UTS2B: variants seen among roughly 807,000 people sequenced by gnomAD.
UTS2B encodes urotensin 2B, also known as urotensin-2B.
UTS2B carries 21 observed loss-of-function variants against 19.2 expected under a neutral mutation model. That is an observed-to-expected ratio of 1.09 (90% confidence interval 0.78 to 1.58). UTS2B has a LOEUF of 1.58. UTS2B is among the 40% of genes most tolerant of loss of function. The pLI, the probability that UTS2B is intolerant of heterozygous loss-of-function variation, is 0.00. For synonymous variants in UTS2B, 57 were observed against 50.2 expected, an observed-to-expected ratio of 1.14 and a Z score of -0.58; for missense variants, 138 against 130.3, an observed-to-expected ratio of 1.06 and a Z score of -0.29.
chr3:191,329,372 C>G (rs1006054585), intron 1 of UTS2B: 4 of 350,310 alleles, frequency 1.1e-5, no homozygotes, highest in Non-Finnish European at 1.5e-5. Flanking sequence ...CTCTCTCCCT[C>G]CGTACTGGAC....
At chr3:191,345,682 C>G in the UTS2B span, among the ~76,000 whole-genome samples, 1 of 152,076 alleles carries the variant, frequency 6.6e-6, no homozygotes, top group Non-Finnish European at 1.5e-5. Context: ...TATCTACTTG[C>G]CAAACAAGTG....
intron 3 of UTS2B, among the ~76,000 whole-genome samples, chr3:191,312,326 TG>T (rs1242441300): frequency 1.3e-5 from 2 of 152,140 alleles, no homozygotes; most frequent in African/African-American, 2.4e-5. Context: ...TCAAGGATCC[TG>T]AGGACACCAA....
chr3:191,277,032 G>A (rs1217146541), intron 6 of UTS2B, among the ~76,000 whole-genome samples, 188 bp from the exon 7 acceptor site: 1 of 152,140 alleles, frequency 6.6e-6, no homozygotes, highest in Non-Finnish European at 1.5e-5. Context: ...AATGCAATCA[G>A]TTATGTCATC....
chr3:191,282,774 A>G (rs1716426273), intron 4 of UTS2B, among the ~76,000 whole-genome samples: 1 of 152,158 alleles, frequency 6.6e-6, no homozygotes, highest in Non-Finnish European at 1.5e-5. Flanking sequence ...TCAAATTTGA[A>G]ATGAATCATA....
intron 3 of UTS2B, among the ~76,000 whole-genome samples, chr3:191,310,132 T>G (rs1429709908): frequency 2.6e-5 from 4 of 152,000 alleles, no homozygotes; most frequent in African/African-American, 9.7e-5. Context: ...CTGGCTATTT[T>G]TTTTTGTATT....
chr3:191,298,725 G>A (rs976113830), intron 4 of UTS2B, among the ~76,000 whole-genome samples: 3 of 152,196 alleles, frequency 2.0e-5, no homozygotes, highest in Admixed American at 6.5e-5. Flanking sequence ...TGGGTAACAA[G>A]AGGTTGGAAG....
In UTS2B at chr3:191,268,423, C is replaced by A; in HGVS notation, c.353G>T (p.Cys118Phe). ...GCATCCAGAGAAAAAGCTTTAAACA[C>A]AGTATTTCCAAAAGCAAGCTAAAGA... The part of the protein sequence containing the change: ...PSKRACFWKY[C>F]V The change falls in exon 9 of 9, where the codon TGT becomes TTT. Residue 118 changes from cysteine to phenylalanine, a missense_variant. Cys to Phe is a radical substitution (Grantham distance 205). Transcript: ENST00000340524. 1 of 1,561,492 alleles carries A rather than the reference C, an allele frequency of 6.4e-7. No individual in the cohort carries two copies. Among genetic ancestry groups the A allele is most frequent in the Non-Finnish European group, 8.8e-7 (1 of 1,142,062 alleles).
intron 4 of UTS2B, chr3:191,294,453 C>T (rs1716804588): frequency 6.6e-6 from 1 of 151,776 alleles, no homozygotes; most frequent in African/African-American, 2.4e-5. Context: ...AGAATTAAGA[C>T]CAGAGAAAAA....
At chr3:191,293,847 C>T (rs530357665) in intron 4 of UTS2B, among the ~76,000 whole-genome samples, 1 of 152,020 alleles carries the variant, frequency 6.6e-6, no homozygotes, top group African/African-American at 2.4e-5. Context: ...CCTGTAATCC[C>T]AGCACTTTGA....
chr3:191,310,614 G>A (rs1717274116), intron 3 of UTS2B, among the ~76,000 whole-genome samples: 1 of 152,130 alleles, frequency 6.6e-6, no homozygotes, highest in Non-Finnish European at 1.5e-5. Context: ...TCTAACCCAA[G>A]AATCTCATGT....
intron 2 of UTS2B, among the ~76,000 whole-genome samples, chr3:191,322,185 G>A (rs1163476500): frequency 2.0e-5 from 3 of 152,132 alleles, no homozygotes; most frequent in Non-Finnish European, 4.4e-5. Context: ...TTTAGGTAGA[G>A]TTGCTAGCCC....
upstream of UTS2B, among the ~76,000 whole-genome samples, chr3:191,332,087 T>C (rs751179923): frequency 2.1e-4 from 32 of 152,228 alleles, no homozygotes; most frequent in Non-Finnish European, 4.4e-4. Context: ...GTGCAGTGAG[T>C]GTGTGCCCGT....
intron 8 of UTS2B, chr3:191,273,420 C>G (rs975507148): frequency 4.0e-5 from 18 of 453,746 alleles, no homozygotes; most frequent in African/African-American, 3.4e-4. Context: ...GTCCCAGTGA[C>G]TAATCCCGGC....
the UTS2B span, among the ~76,000 whole-genome samples, chr3:191,339,144 A>G: frequency 6.6e-6 from 1 of 152,326 alleles, no homozygotes; most frequent in East Asian, 1.9e-4. Context: ...ATGAATATAC[A>G]GATTGCAAAC....
At chr3:191,307,588 G>T (rs922452644) in intron 3 of UTS2B, among the ~76,000 whole-genome samples, 1 of 152,116 alleles carries the variant, frequency 6.6e-6, no homozygotes, top group African/African-American at 2.4e-5. Flanking sequence ...TGGGTAGGAC[G>T]TTCAGAGGAT....
intron 2 of UTS2B, among the ~76,000 whole-genome samples, chr3:191,319,595 C>T (rs1010023799): frequency 6.6e-6 from 1 of 151,368 alleles, no homozygotes; most frequent in Non-Finnish European, 1.5e-5. Flanking sequence ...CATGGTGACT[C>T]TTATGTGTAA....
At chr3:191,301,750 A>G (rs1419436280) in intron 4 of UTS2B, among the ~76,000 whole-genome samples, 2 of 151,982 alleles carry the variant, frequency 1.3e-5, no homozygotes, top group African/African-American at 4.8e-5. Flanking sequence ...CGGCCTCCCA[A>G]AGTGCTGGGA....
intron 4 of UTS2B, among the ~76,000 whole-genome samples, chr3:191,293,786 G>A (rs1716778177): frequency 6.6e-6 from 1 of 151,866 alleles, no homozygotes; most frequent in African/African-American, 2.4e-5. Flanking sequence ...TAGTGGTTGA[G>A]AACATGAAAG....
chr3:191,330,016 C>T (rs971881398), intron 1 of UTS2B, among the ~76,000 whole-genome samples: 1 of 151,554 alleles, frequency 6.6e-6, no homozygotes, highest in African/African-American at 2.4e-5. Context: ...CGCAAAGCCT[C>T]AGTGGACGCT....
Sources: allele counts gnomAD v4.1 joint callset (sites outside exome capture counted in the v4.1 genomes callset), GRCh38; gene constraint gnomAD v4.1.1; transcripts MANE v1.5; gene names NCBI Gene and HGNC (gene_info 2026-07-23, HGNC 2026-07-21).